Variants in CYSTM1 observed in about 807,000 individuals in gnomAD.
CYSTM1 encodes the protein cysteine rich transmembrane module containing 1.
In CYSTM1, 4 loss-of-function variants were observed where a neutral mutation model predicts 13.1. The observed-to-expected ratio is 0.31, with a 90% CI of 0.15 to 0.70. CYSTM1 has a LOEUF of 0.70. Ranked by LOEUF, CYSTM1 falls within the 30% of genes least tolerant of loss-of-function variation. CYSTM1 has a pLI of 0.72. For missense variants in CYSTM1, 96 were observed against 121.6 expected, an observed-to-expected ratio of 0.79 and a Z score of 0.99; for synonymous variants, 36 against 42.7, an observed-to-expected ratio of 0.84 and a Z score of 0.62.
At chr5:140,198,640 C>G (rs1023898001) in intron 2 of CYSTM1, among the ~76,000 whole-genome samples, 1 of 152,206 alleles carries the variant, frequency 6.6e-6, no homozygotes, top group African/African-American at 2.4e-5. Flanking sequence ...CAAGGCCAGT[C>G]ACTTTCAACA....
chr5:140,193,125 C>T (rs558826970), intron 1 of CYSTM1, among the ~76,000 whole-genome samples: 2 of 152,288 alleles, frequency 1.3e-5, no homozygotes, highest in Non-Finnish European at 2.9e-5. Context: ...CTCTTCCCTA[C>T]TATTTGGTTG....
intron 1 of CYSTM1, among the ~76,000 whole-genome samples, chr5:140,190,712 G>A (rs1764085380): frequency 6.6e-6 from 1 of 152,174 alleles, no homozygotes. Context: ...GTGGTTGAAT[G>A]ACTGCTAATC....
chr5:140,225,050 C>T (rs1367736871), intron 2 of CYSTM1, among the ~76,000 whole-genome samples: 1 of 152,156 alleles, frequency 6.6e-6, no homozygotes, highest in African/African-American at 2.4e-5. Context: ...GGTGTGGTGA[C>T]ATGCACCTGT....
At chr5:140,212,672 A>C (rs377332980) in intron 2 of CYSTM1, among the ~76,000 whole-genome samples, 1 of 152,040 alleles carries the variant, frequency 6.6e-6, no homozygotes, top group African/African-American at 2.4e-5. Flanking sequence ...AGTATAGTAA[A>C]TATATAAACT....
rs1763865629 is a variant in CYSTM1 at position 140,175,295 on chromosome 5, AG to A, written c.-21+11del. ...TTCGTGGAGAGGAGAGGTGAGGTGC[AG>A]CGGACCTGGCCCGACCCAGCTGGGA... On this transcript the variant is annotated intron_variant, in intron 1 of 2. Transcript: ENST00000261811. This position sits in a 1 kb window ranked among gnomAD's most constrained non-coding sequence, Gnocchi z 4.9. 1 of 152,490 alleles carries A rather than the reference AG, an allele frequency of 6.6e-6. No individual in the cohort carries two copies. The highest frequency in any genetic ancestry group is 1.5e-5 in the Non-Finnish European group (1 of 68,284). 9.4% of individuals were successfully genotyped at this position (152,490 alleles called of 1,614,324 possible).
intron 1 of CYSTM1, among the ~76,000 whole-genome samples, chr5:140,182,629 C>CT (rs773337350): frequency 0.024 from 3,300 of 138,792 alleles, 99 homozygotes; most frequent in Admixed American, 0.095. Flanking sequence ...AGGAGGGATG[C>CT]TTTTTTTTTT....
intron 2 of CYSTM1, among the ~76,000 whole-genome samples, chr5:140,242,270 G>C (rs1764759201): frequency 6.6e-6 from 1 of 152,132 alleles, no homozygotes; most frequent in South Asian, 2.1e-4. Context: ...ACAACGGGAG[G>C]ACCTGGAAAA....
At chr5:140,231,247 A>C (rs1057142622) in intron 2 of CYSTM1, among the ~76,000 whole-genome samples, 4 of 152,328 alleles carry the variant, frequency 2.6e-5, no homozygotes, top group Middle Eastern at 3.4e-3. Flanking sequence ...ACTTTTTTAA[A>C]ATGTTACATT....
rs113202173 is a variant in CYSTM1, at chr5:140,205,199, C to T, written c.187+10547C>T. ...CTTTTGGGCCCACCGGGCCATTGGC[C>T]AGCCAGCAGAATGTTATGGGAGGCC... is the stretch of plus-strand genomic sequence containing the variant. On this transcript the variant is annotated intron_variant, in intron 2 of 2. Coordinates refer to ENST00000261811, the MANE Select transcript of CYSTM1 (RefSeq NM_032412.4). 9.5e-3 allele frequency among the ~76,000 whole-genome samples: 1,446 copies of T among 152,232 alleles called. 17 individuals carry two copies. Among genetic ancestry groups the T allele is most frequent in the African/African-American group, 0.031 (1,268 of 41,524 alleles).
chr5:140,236,270 A>G (rs142748671), intron 2 of CYSTM1, among the ~76,000 whole-genome samples: 1,714 of 152,280 alleles, frequency 0.011, 21 homozygotes, highest in Middle Eastern at 0.017. Context: ...ACAACAAGCT[A>G]TTGAGCCCCA....
At chr5:140,176,897 G>A (rs1763892526) in intron 1 of CYSTM1, among the ~76,000 whole-genome samples, 1 of 151,792 alleles carries the variant, frequency 6.6e-6, no homozygotes, top group South Asian at 2.1e-4. Context: ...GTGAAACCCC[G>A]TCTCTACTAA....
chr5:140,241,261 G>A (rs901916667), intron 2 of CYSTM1, among the ~76,000 whole-genome samples: 1 of 152,240 alleles, frequency 6.6e-6, no homozygotes, highest in Non-Finnish European at 1.5e-5. Context: ...TGACAGGTGA[G>A]AAAGGCATGG....
chr5:140,224,170 G>A (rs527586088), intron 2 of CYSTM1, among the ~76,000 whole-genome samples: 25 of 152,174 alleles, frequency 1.6e-4, no homozygotes, highest in African/African-American at 3.6e-4. Flanking sequence ...ACGGAGTTTC[G>A]TTCTTGTTGC....
At chr5:140,222,291 A>G (rs1764501116) in intron 2 of CYSTM1, among the ~76,000 whole-genome samples, 1 of 152,256 alleles carries the variant, frequency 6.6e-6, no homozygotes, top group South Asian at 2.1e-4. Context: ...ATTTAGAATT[A>G]TTGGAATTAC....
chr5:140,228,936 A>G (rs1025845920), intron 2 of CYSTM1: 3 of 397,130 alleles, frequency 7.6e-6, no homozygotes, highest in Admixed American at 8.8e-5. Context: ...TTCTTTGACA[A>G]TAACTCACAG....
chr5:140,208,701 C>G (rs1465093419), intron 2 of CYSTM1, among the ~76,000 whole-genome samples: 2 of 152,128 alleles, frequency 1.3e-5, no homozygotes, highest in African/African-American at 4.8e-5. Context: ...TATACACCTA[C>G]TATGTACCCA....
chr5:140,195,045 C>G (rs1764138456), intron 2 of CYSTM1, among the ~76,000 whole-genome samples: 1 of 152,192 alleles, frequency 6.6e-6, no homozygotes, highest in South Asian at 2.1e-4. Context: ...TCCTCTTGCC[C>G]CTGCTACTGG....
In CYSTM1 at chr5:140,243,692, T is replaced by C. The variant is rs1016777870; in HGVS notation, c.*281T>C. The C allele has an allele frequency of 2.5e-5, 7 of 278,218 alleles. No individual in the cohort carries two copies. The highest frequency in any genetic ancestry group is 1.6e-4 in the African/African-American group (7 of 44,834). The allele number at this position is 278,218 out of a possible 1,614,324, so 17.2% of individuals were successfully genotyped here. Reference sequence around the variant, plus strand: ...TGTGAAAAATATAATTTTTAAATTATACATTCAAGGTAGTGGCCAAATGTA... The same window carrying C: ...TGTGAAAAATATAATTTTTAAATTACACATTCAAGGTAGTGGCCAAATGTA... On this transcript the variant is annotated 3_prime_UTR_variant, in exon 3 of 3. Transcript: ENST00000261811.
At chr5:140,212,446 A>G (rs1445780740) in intron 2 of CYSTM1, among the ~76,000 whole-genome samples, 1 of 152,164 alleles carries the variant, frequency 6.6e-6, no homozygotes, top group Non-Finnish European at 1.5e-5. Flanking sequence ...TACGGTACAT[A>G]ATACTTGATA....
Sources: allele counts gnomAD v4.1 joint callset (sites outside exome capture counted in the v4.1 genomes callset), GRCh38; gene constraint gnomAD v4.1.1; non-coding constraint Gnocchi (gnomAD v3.1); transcripts MANE v1.5; gene names NCBI Gene and HGNC (gene_info 2026-07-23, HGNC 2026-07-21).